Variants in MRC2 observed in about 807,000 individuals in gnomAD.
The protein encoded by MRC2 is mannose receptor C-type 2.
Under a neutral mutation model 206.2 loss-of-function variants are expected in MRC2, and 84 were observed. That is an observed-to-expected ratio of 0.41 (90% CI 0.34 to 0.49). The LOEUF (loss-of-function observed/expected upper bound fraction) is 0.49, where lower values mean the gene tolerates loss of function less well. Among genes scored for constraint, MRC2 ranks in the 20% least tolerant of loss-of-function variants. The pLI is 0.31. For missense variants in MRC2, 1,676 were observed against 2,001.5 expected, an observed-to-expected ratio of 0.84 and a Z score of 3.10; for synonymous variants, 798 against 800.0, an observed-to-expected ratio of 1.00 and a Z score of 0.04.
At chr17:62,636,282 G>C (rs2088317635) in intron 1 of MRC2, among the ~76,000 whole-genome samples, 1 of 150,762 alleles carries the variant, frequency 6.6e-6, no homozygotes, top group African/African-American at 2.4e-5. Context: ...TGCATGCTCA[G>C]TGGAAAACAT....
chr17:62,675,666 G>A lies in MRC2; in HGVS notation c.1570-124G>A. 4 of 743,090 alleles carry A rather than the reference G, an allele frequency of 5.4e-6. No homozygotes were observed. The highest frequency in any genetic ancestry group is 4.9e-5 in the South Asian group (3 of 61,606). 46.0% of individuals were successfully genotyped at this position (743,090 alleles called of 1,614,324 possible). ...AGAACACAGCCCAGTACTCAAACCA[G>A]TCCCCTCCGTCCTGAGCACGTTCAG... is the stretch of plus-strand genomic sequence containing the variant. On this transcript the variant is annotated intron_variant, in intron 9 of 29. Coordinates refer to ENST00000303375, the MANE Select transcript of MRC2 (RefSeq NM_006039.5). The surrounding 1 kb of genome is among the most constrained non-coding windows in gnomAD (Gnocchi z 4.1).
chr17:62,633,269 G>A (rs555223267), intron 1 of MRC2, among the ~76,000 whole-genome samples: 7 of 152,062 alleles, frequency 4.6e-5, no homozygotes, highest in African/African-American at 1.7e-4. Flanking sequence ...TTGGGAGGCC[G>A]AGGCGGGTGG....
Position 62,681,412 on chromosome 17 carries a change from G to T in MRC2, c.2702+283G>T. On this transcript the variant is annotated intron_variant, in intron 18 of 29. Coordinates refer to ENST00000303375, the MANE Select transcript of MRC2 (RefSeq NM_006039.5). ...ATAATGGCAGCTCCTGTTACGTCTG[G>T]TGTCATTCATCATGACTAAGGCCCT... The T allele has an allele frequency of 1.1e-5, 6 of 539,370 alleles. 1 individual carries two copies. Among genetic ancestry groups the T allele is most frequent in the South Asian group, 9.2e-5 (4 of 43,372 alleles). The allele number at this position is 539,370 out of a possible 1,614,324, so 33.4% of individuals were successfully genotyped here.
intron 21 of MRC2, 38 bp downstream of exon 21, chr17:62,688,441 A>C: frequency 6.2e-7 from 1 of 1,614,104 alleles, no homozygotes; most frequent in Non-Finnish European, 8.5e-7. Context: ...GTATCCTCTG[A>C]CACTGTCCCC....
intron 2 of MRC2, among the ~76,000 whole-genome samples, chr17:62,665,318 G>A (rs1475804395): frequency 2.0e-5 from 3 of 151,144 alleles, no homozygotes; most frequent in African/African-American, 4.9e-5. Context: ...AAGGAGAATC[G>A]CTTGAACCCA....
chr17:62,680,477 G>A lies in MRC2; in HGVS notation c.2473+24G>A. 2 of 1,613,626 alleles carry A rather than the reference G, an allele frequency of 1.2e-6. No homozygotes were observed. Among genetic ancestry groups the A allele is most frequent in the Non-Finnish European group, 1.7e-6 (2 of 1,179,824 alleles). Reference sequence around the variant, plus strand: ...AGGTGAGCACCCCCCAGCCCATCCCGCTACCCATCGCGTGGGAGAGGGCGT... The same window carrying A: ...AGGTGAGCACCCCCCAGCCCATCCCACTACCCATCGCGTGGGAGAGGGCGT... On this transcript the variant is annotated intron_variant, in intron 16 of 29. Coordinates refer to ENST00000303375, the MANE Select transcript of MRC2 (RefSeq NM_006039.5). The surrounding 1 kb of genome is among the most constrained non-coding windows in gnomAD (Gnocchi z 4.8).
chr17:62,671,707 C>T lies in MRC2; in HGVS notation c.1176C>T (p.His392=). 1.2e-6 allele frequency: 2 copies of T among 1,611,790 alleles called. No homozygotes were observed. Among genetic ancestry groups the T allele is most frequent in the Non-Finnish European group, 1.7e-6 (2 of 1,178,916 alleles). ...CEPSWQPFQG[H]CYRLQAEKRS... ...CGAGCTGGCAGCCCTTCCAGGGCCA[C>T]TGCTACCGCCTGCAGGCCGAGAAGC... The change falls in exon 7 of 30, where the codon CAC becomes CAT. Residue 392 remains histidine (H), a synonymous_variant. Transcript: ENST00000303375. The surrounding 1 kb of genome is among the most constrained non-coding windows in gnomAD (Gnocchi z 4.5).
At chr17:62,676,052 C>T in intron 10 of MRC2, 147 bp downstream of exon 10, 1 of 695,248 alleles carries the variant, frequency 1.4e-6, no homozygotes, top group Admixed American at 2.7e-5. Flanking sequence ...ATTTTAAAAT[C>T]TTGTCAGAAG....
At chr17:62,674,278 G>T in intron 9 of MRC2, 108 bp downstream of exon 9, 3 of 752,600 alleles carry the variant, frequency 4.0e-6, no homozygotes, top group Non-Finnish European at 4.2e-6. Context: ...TCGCCCTCTC[G>T]TCGGCACCCC....
At chr17:62,642,598 C>T (rs963125861) in intron 1 of MRC2, among the ~76,000 whole-genome samples, 1 of 152,186 alleles carries the variant, frequency 6.6e-6, no homozygotes, top group Non-Finnish European at 1.5e-5. Flanking sequence ...AGGTGCCTGA[C>T]ACCATGCCCG....
At chr17:62,658,547 C>G (rs2088644450) in intron 1 of MRC2, among the ~76,000 whole-genome samples, 1 of 152,188 alleles carries the variant, frequency 6.6e-6, no homozygotes. Context: ...AAAAGCCCCT[C>G]CCGACTAACC....
intron 1 of MRC2, 58 bp downstream of exon 1, chr17:62,627,978 C>A: frequency 8.3e-7 from 1 of 1,200,600 alleles, no homozygotes; most frequent in Non-Finnish European, 1.1e-6. Flanking sequence ...CGCCGAGGCG[C>A]GGGCCGCTCT....
Position 62,676,948 on chromosome 17 carries a change from C to T in MRC2, c.1835-321C>T, listed in dbSNP as rs183226926. ...TGTGTTCAGAATACTGAGCGCAATA[C>T]AAGTGCTTGTTATTACTATTATTAC... On this transcript the variant is annotated intron_variant, in intron 11 of 29. Coordinates refer to ENST00000303375, the MANE Select transcript of MRC2 (RefSeq NM_006039.5). Among the ~76,000 whole-genome samples, 6 of 152,394 alleles carry T rather than the reference C, an allele frequency of 3.9e-5. No homozygotes were observed. In the East Asian group the frequency reaches 1.2e-3, roughly 29 times the overall value.
Position 62,674,699 on chromosome 17 carries a change from TGAG to T in MRC2, c.1569+531_1569+533del, listed in dbSNP as rs570346362. 9.1e-3 allele frequency among the ~76,000 whole-genome samples: 1,292 copies of T among 141,536 alleles called. 24 individuals are homozygous for T. Among genetic ancestry groups the T allele is most frequent in the African/African-American group, 0.035 (1,246 of 36,066 alleles). The allele number at this position is 141,536 out of a possible 152,430, so 92.9% of individuals were successfully genotyped here. A position where few individuals can be genotyped will look rare whatever the true frequency, so the allele number is the denominator to read the frequency against. ...GCTTCTAGAGGATGTTTAGGGAGGT[TGAG>T]GGGGGGGGTGTCAAGGAATGAAAGC... On this transcript the variant is annotated intron_variant, in intron 9 of 29. Coordinates refer to ENST00000303375, the MANE Select transcript of MRC2 (RefSeq NM_006039.5).
At chr17:62,661,502 CCTTTCTTTCTTTTCTTT>C (rs2088679074) in intron 1 of MRC2, 1 of 149,684 alleles carries the variant, frequency 6.7e-6, no homozygotes, top group Non-Finnish European at 1.5e-5. Context: ...TTCCTTCCTT[CCTTTCTTTCTTTTCTTT>C]CTTTCTTTCT....
At chr17:62,640,520 T>A (rs1001955936) in intron 1 of MRC2, among the ~76,000 whole-genome samples, 4 of 151,994 alleles carry the variant, frequency 2.6e-5, no homozygotes, top group Admixed American at 2.6e-4. Flanking sequence ...GGTCCACTTT[T>A]TTGTTTTGTT....
intron 12 of MRC2, 121 bp from the exon 13 acceptor site, chr17:62,678,383 C>T: frequency 7.3e-7 from 1 of 1,363,120 alleles, no homozygotes; most frequent in Non-Finnish European, 9.8e-7. Flanking sequence ...CTTAGCTAGC[C>T]TTAGCCCCCT....
Position 62,627,721 on chromosome 17 carries a change from C to A in MRC2, c.-82C>A. On this transcript the variant is annotated 5_prime_UTR_variant, in exon 1 of 30. Coordinates refer to ENST00000303375, the MANE Select transcript of MRC2 (RefSeq NM_006039.5). ...ACGCGAGCCCCTTGCGGGCGGTCATCACAGCCCAGCCTCGGGGCTGCCACA... is the reference window on the plus strand; with the variant it reads ...ACGCGAGCCCCTTGCGGGCGGTCATAACAGCCCAGCCTCGGGGCTGCCACA... The A allele has an allele frequency of 8.8e-7, 1 of 1,139,918 alleles. No individual in the cohort carries two copies. The allele number at this position is 1,139,918 out of a possible 1,614,324, so 70.6% of individuals were successfully genotyped here.
chr17:62,681,361 G>A (rs1003409046), intron 18 of MRC2: 10 of 589,514 alleles, frequency 1.7e-5, no homozygotes, highest in East Asian at 5.6e-5. Flanking sequence ...AAGTGCTTAC[G>A]CAGCATCCAG....
Sources: gnomAD v4.1 joint callset for allele counts (sites outside exome capture counted in the v4.1 genomes callset) on GRCh38, gnomAD v4.1.1 for gene constraint, Gnocchi (gnomAD v3.1) non-coding constraint, MANE v1.5 for transcripts, NCBI Gene and HGNC (gene_info 2026-07-23, HGNC 2026-07-21) for gene names.